NRXN3: variants seen among roughly 807,000 people sequenced by gnomAD.
NRXN3 encodes the protein neurexin 3, also known as neurexin III.
Under a neutral mutation model 137.6 loss-of-function variants are expected in NRXN3, and 32 were observed. The ratio of observed to expected loss-of-function variants is 0.23; its 90% CI spans 0.18 to 0.31. NRXN3 has a LOEUF of 0.31. Among genes scored for constraint, NRXN3 ranks in the 10% least tolerant of loss-of-function variants. The pLI is 1.00. For missense variants in NRXN3, 1,574 were observed against 2,062.5 expected, an observed-to-expected ratio of 0.76 and a Z score of 4.59; for synonymous variants, 798 against 784.5, an observed-to-expected ratio of 1.02 and a Z score of -0.29.
chr14:79,867,453 A>G lies in NRXN3; in HGVS notation c.*5489A>G, dbSNP rs2099418501. ...ATAATAAGCTACCTTCTCACTATGT[A>G]CTCACAGGGCCTTTCTTCTGTTCAT... is the stretch of plus-strand genomic sequence containing the variant. On this transcript the variant is annotated 3_prime_UTR_variant, in exon 21 of 21. Transcript: ENST00000335750. The G allele has an allele frequency of 6.6e-6, 1 of 152,104 alleles. No individual in the cohort carries two copies. Among genetic ancestry groups the G allele is most frequent in the Non-Finnish European group, 1.5e-5 (1 of 68,044 alleles). 9.4% of individuals were successfully genotyped at this position (152,104 alleles called of 1,614,324 possible). A position where few individuals can be genotyped will look rare whatever the true frequency, so the allele number is the denominator to read the frequency against.
intron 15 of NRXN3, among the ~76,000 whole-genome samples, chr14:79,295,722 A>C (rs1476713157): frequency 6.6e-6 from 1 of 152,154 alleles, no homozygotes; most frequent in African/African-American, 2.4e-5. Flanking sequence ...AGGCCCTTTA[A>C]AAACATCAGT....
At chr14:78,260,543 G>A (rs1004897613) in intron 2 of NRXN3, among the ~76,000 whole-genome samples, 1 of 152,192 alleles carries the variant, frequency 6.6e-6, no homozygotes, top group African/African-American at 2.4e-5. Context: ...TCTCATTGTA[G>A]CTCCCATAAT....
chr14:79,575,570 G>A (rs1323907025), intron 16 of NRXN3, among the ~76,000 whole-genome samples: 1 of 152,090 alleles, frequency 6.6e-6, no homozygotes, highest in Admixed American at 6.6e-5. Flanking sequence ...AAAAATCAAA[G>A]TGCTTGTTTA....
chr14:78,795,948 C>T (rs181698576), intron 8 of NRXN3, among the ~76,000 whole-genome samples: 1 of 152,338 alleles, frequency 6.6e-6, no homozygotes, highest in East Asian at 1.9e-4. Context: ...CGCTAGCTCA[C>T]CCCTGCTCCT....
chr14:79,275,706 G>GCA, intron 15 of NRXN3, among the ~76,000 whole-genome samples: 1 of 151,794 alleles, frequency 6.6e-6, no homozygotes, highest in Non-Finnish European at 1.5e-5. Flanking sequence ...ACCTTACCCT[G>GCA]GGACATTCTC....
rs546455914 is a variant in NRXN3 at position 78,465,485 on chromosome 14, G to T, written c.757+167625G>T. Among the ~76,000 whole-genome samples, 3 of 152,300 alleles carry T rather than the reference G, an allele frequency of 2.0e-5. No homozygotes were observed. The South Asian group carries it at 6.2e-4, about 32-fold the overall frequency. Reference sequence around the variant, plus strand: ...AATTTTAAAAAGATGATATGGGAAAGAAATATCACAAGTGATGACAGAGAT... The same window carrying T: ...AATTTTAAAAAGATGATATGGGAAATAAATATCACAAGTGATGACAGAGAT... On this transcript the variant is annotated intron_variant, in intron 4 of 20. Coordinates refer to ENST00000335750, the MANE Select transcript of NRXN3 (RefSeq NM_001330195.2).
chr14:78,481,332 C>A (rs80009372), intron 4 of NRXN3, among the ~76,000 whole-genome samples: 2,577 of 152,240 alleles, frequency 0.017, 60 homozygotes, highest in African/African-American at 0.051. Flanking sequence ...TGTTTTGAAT[C>A]ACAGGGGCTA....
intron 15 of NRXN3, among the ~76,000 whole-genome samples, chr14:79,425,998 GGAGAGAGAGA>G (rs377144359): frequency 6.7e-6 from 1 of 149,468 alleles, no homozygotes; most frequent in Non-Finnish European, 1.5e-5. Context: ...GGAGAGAAGG[GGAGAGAGAGA>G]GAGAGAGAGA....
chr14:79,491,104 T>C (rs1331983929), intron 16 of NRXN3, among the ~76,000 whole-genome samples: 3 of 152,134 alleles, frequency 2.0e-5, no homozygotes, highest in Admixed American at 2.0e-4. Flanking sequence ...GTTTTTTCTC[T>C]TGTAAATCCG....
At chr14:78,979,925 C>G (rs886469048) in intron 14 of NRXN3, among the ~76,000 whole-genome samples, 1 of 152,184 alleles carries the variant, frequency 6.6e-6, no homozygotes, top group Non-Finnish European at 1.5e-5. Context: ...CCGGGCCCCT[C>G]CCACAACATG....
chr14:78,310,588 G>A (rs1348982993), intron 4 of NRXN3, among the ~76,000 whole-genome samples: 1 of 151,964 alleles, frequency 6.6e-6, no homozygotes, highest in Non-Finnish European at 1.5e-5. Context: ...TTACGAGTGA[G>A]GTTCTGCAGT....
intron 10 of NRXN3, among the ~76,000 whole-genome samples, chr14:78,816,794 C>T (rs914057106): frequency 6.6e-6 from 1 of 152,134 alleles, no homozygotes; most frequent in Non-Finnish European, 1.5e-5. Context: ...GTTTGCTTCT[C>T]CTCACTCTTG....
At chr14:78,224,392 AT>A (rs1265062104) in intron 1 of NRXN3, among the ~76,000 whole-genome samples, 2 of 152,056 alleles carry the variant, frequency 1.3e-5, no homozygotes, top group African/African-American at 4.8e-5. Flanking sequence ...GTCATTTAGC[AT>A]TAGGTATATC....
chr14:78,852,125 G>T (rs908607120), intron 10 of NRXN3, among the ~76,000 whole-genome samples: 2 of 152,112 alleles, frequency 1.3e-5, no homozygotes, highest in East Asian at 3.9e-4. Flanking sequence ...GTGAATATAT[G>T]AAATGATATC....
At chr14:78,390,719 A>G (rs777209830) in intron 4 of NRXN3, among the ~76,000 whole-genome samples, 1 of 152,126 alleles carries the variant, frequency 6.6e-6, no homozygotes, top group Non-Finnish European at 1.5e-5. Flanking sequence ...ATGTACATCT[A>G]TTGCTTGAAA....
rs143591623 is a variant in NRXN3 at position 78,747,200 on chromosome 14, C to T, written c.2044+32061C>T. 6.9e-3 allele frequency among the ~76,000 whole-genome samples: 1,044 copies of T among 152,246 alleles called. 19 individuals carry two copies. The highest frequency in any genetic ancestry group is 0.023 in the African/African-American group (970 of 41,546). ...TCTGGCCAGTGTTGTTCGTGAACTT[C>T]GGGACTAAGACTCCAGCTCAAATCC... On this transcript the variant is annotated intron_variant, in intron 8 of 20. Coordinates refer to ENST00000335750, the MANE Select transcript of NRXN3 (RefSeq NM_001330195.2).
chr14:78,852,491 C>T (rs912713498), intron 10 of NRXN3, among the ~76,000 whole-genome samples: 19 of 152,184 alleles, frequency 1.2e-4, no homozygotes, highest in South Asian at 2.1e-4. Context: ...TTATTATCAC[C>T]GTGCTAGAAG....
chr14:79,840,785 C>A (rs889320168), intron 20 of NRXN3, among the ~76,000 whole-genome samples: 4 of 152,152 alleles, frequency 2.6e-5, no homozygotes, highest in African/African-American at 7.2e-5. Flanking sequence ...AAAACATCTT[C>A]TGGAGGTAGG....
chr14:78,392,197 C>T (rs568451179), intron 4 of NRXN3, among the ~76,000 whole-genome samples: 191 of 152,274 alleles, frequency 1.3e-3, no homozygotes, highest in Non-Finnish European at 2.2e-3. Context: ...CTGACAAATA[C>T]GTCAAGATAT....
Sources: allele counts gnomAD v4.1 joint callset (sites outside exome capture counted in the v4.1 genomes callset), GRCh38; gene constraint gnomAD v4.1.1; transcripts MANE v1.5; gene names NCBI Gene and HGNC (gene_info 2026-07-23, HGNC 2026-07-21).